Variants in FRMPD1 observed in about 807,000 individuals in gnomAD.
FRMPD1 encodes FERM and PDZ domain containing 1.
Under a neutral mutation model 117.8 loss-of-function variants are expected in FRMPD1, and 76 were observed. The ratio of observed to expected loss-of-function variants is 0.65; its 90% CI spans 0.54 to 0.78. FRMPD1 has a LOEUF of 0.78. Ranked by LOEUF, FRMPD1 falls within the 30% of genes least tolerant of loss-of-function variation. The pLI is 0.00. For missense variants in FRMPD1, 1,786 were observed against 1,964.5 expected (o/e 0.91, Z 1.72); for synonymous variants, 783 against 770.4 (o/e 1.02, Z -0.27).
intron 6 of FRMPD1, among the ~76,000 whole-genome samples, chr9:37,722,336 A>G (rs1230047064): frequency 1.3e-4 from 19 of 150,900 alleles, no homozygotes; most frequent in Admixed American, 1.3e-3. Context: ...GATGATTGTG[A>G]GTCTTGCTTA....
chr9:37,684,304 A>C (rs956069568), intron 1 of FRMPD1, among the ~76,000 whole-genome samples: 2 of 152,246 alleles, frequency 1.3e-5, no homozygotes, highest in Non-Finnish European at 2.9e-5. Context: ...TAACTTCTTC[A>C]TGCCTCAGTT....
the FRMPD1 span, among the ~76,000 whole-genome samples, chr9:37,620,228 G>A: frequency 6.6e-6 from 1 of 152,164 alleles, no homozygotes; most frequent in African/African-American, 2.4e-5. Context: ...TGGAACACTC[G>A]TGTTTATCTG....
At position 37,711,263 on chromosome 9, in the gene FRMPD1, A is replaced by G. The variant is rs113886742; in HGVS notation, c.363-87A>G. 786 of 889,408 alleles carry G rather than the reference A, an allele frequency of 8.8e-4. 4 individuals carry two copies. The highest frequency in any genetic ancestry group is 4.0e-3 in the South Asian group (299 of 74,352). 55.1% of individuals were successfully genotyped at this position (889,408 alleles called of 1,614,324 possible). A position where few individuals can be genotyped will look rare whatever the true frequency, so the allele number is the denominator to read the frequency against. ...CATTCTGCCAGTCTTTTTGACCCTA[A>G]CACACATGCTCACACATGTATGCAT... On this transcript the variant is annotated intron_variant, in intron 4 of 15. Transcript: ENST00000377765.
chr9:37,724,500 G>A (rs1268700220), intron 7 of FRMPD1, among the ~76,000 whole-genome samples, 180 bp downstream of exon 7: 1 of 152,086 alleles, frequency 6.6e-6, no homozygotes, highest in Non-Finnish European at 1.5e-5. Context: ...CAGAAAGATG[G>A]TCTTTTTACC....
rs761312971 is a variant in FRMPD1 at position 37,746,325 on chromosome 9, G to C, written c.4293G>C (p.Glu1431Asp). ...TCCAACTCATGGAGAGCTTGCTGGA[G>C]CTACAAGACATTTTAGAAACTTCCT... ...GFIQLMESLL[E>D]LQDILETSWG... Residue 1431 changes from glutamate to aspartate, a missense_variant, in exon 16 of 16, where the codon GAG becomes GAC. Physicochemically the swap from Glu to Asp is conservative, Grantham distance 45. Transcript: ENST00000377765. 3.7e-6 allele frequency: 6 copies of C among 1,612,602 alleles called. No individual in the cohort carries two copies. Among genetic ancestry groups the C allele is most frequent in the Non-Finnish European group, 5.1e-6 (6 of 1,179,794 alleles).
At chr9:37,650,662 T>G (rs1820639214), upstream of FRMPD1, among the ~76,000 whole-genome samples, 1 of 152,106 alleles carries the variant, frequency 6.6e-6, no homozygotes, top group South Asian at 2.1e-4. Flanking sequence ...GGGAGTCCCT[T>G]TCCTCTCCCA....
At chr9:37,727,400 C>T (rs1823660857) in intron 7 of FRMPD1, among the ~76,000 whole-genome samples, 1 of 152,086 alleles carries the variant, frequency 6.6e-6, no homozygotes, top group South Asian at 2.1e-4. Flanking sequence ...TCCCATAAAA[C>T]CTTAATTACA....
chr9:37,733,369 G>A, intron 10 of FRMPD1, 104 bp from the exon 11 acceptor site: 2 of 1,098,264 alleles, frequency 1.8e-6, no homozygotes, highest in Non-Finnish European at 2.7e-6. Context: ...CGTAATTGCT[G>A]TATTATGGGA....
intron 1 of FRMPD1, among the ~76,000 whole-genome samples, chr9:37,688,766 C>T (rs956499644): frequency 6.6e-6 from 1 of 151,850 alleles, no homozygotes; most frequent in Non-Finnish European, 1.5e-5. Flanking sequence ...TTTATGAAAT[C>T]ATAAGTGGGA....
chr9:37,610,914 T>C, the FRMPD1 span, among the ~76,000 whole-genome samples: 2 of 152,206 alleles, frequency 1.3e-5, no homozygotes, highest in East Asian at 3.9e-4. Flanking sequence ...CATTCTTTTT[T>C]AAACAAAGAT....
chr9:37,669,049 CTT>C (rs1821259447), intron 1 of FRMPD1, among the ~76,000 whole-genome samples: 1 of 152,086 alleles, frequency 6.6e-6, no homozygotes, highest in South Asian at 2.1e-4. Flanking sequence ...AATGAGCAAT[CTT>C]TGGTTACACA....
the FRMPD1 span, among the ~76,000 whole-genome samples, chr9:37,615,355 C>A: frequency 3.3e-5 from 5 of 152,234 alleles, no homozygotes; most frequent in South Asian, 4.1e-4. Flanking sequence ...AGGTGATCTA[C>A]CCACCTCGGC....
chr9:37,736,224 A>G (rs1356175541), intron 13 of FRMPD1, among the ~76,000 whole-genome samples: 1 of 151,668 alleles, frequency 6.6e-6, no homozygotes, highest in African/African-American at 2.4e-5. Context: ...GATGGTCTCG[A>G]TCTCCTGACC....
intron 5 of FRMPD1, among the ~76,000 whole-genome samples, chr9:37,715,010 T>C (rs1371956061): frequency 6.6e-6 from 1 of 152,114 alleles, no homozygotes; most frequent in Non-Finnish European, 1.5e-5. Context: ...AGGAGCCTCA[T>C]TGTTGTCGTG....
In FRMPD1 at chr9:37,746,787, G is replaced by C; in HGVS notation, c.*18G>C. ...CCCTGTAAACAGGTCAACGGCCCAA[G>C]GGCCTCCTGCCCTGTCCTGCCTTGG... On this transcript the variant is annotated 3_prime_UTR_variant, in exon 16 of 16. Coordinates refer to ENST00000377765, the MANE Select transcript of FRMPD1 (RefSeq NM_014907.3). The C allele has an allele frequency of 6.4e-7, 1 of 1,572,552 alleles. No homozygotes were observed. The highest frequency in any genetic ancestry group is 8.7e-7 in the Non-Finnish European group (1 of 1,143,022).
chr9:37,603,466 G>C, the FRMPD1 span, among the ~76,000 whole-genome samples: 9 of 152,328 alleles, frequency 5.9e-5, no homozygotes, highest in Middle Eastern at 6.8e-3. Flanking sequence ...CATCCTGGAA[G>C]TAGAGACTTC....
At chr9:37,673,842 C>T (rs2148140) in intron 1 of FRMPD1, among the ~76,000 whole-genome samples, 6,316 of 152,348 alleles carry the variant, frequency 0.041, 228 homozygotes, top group South Asian at 0.12. Flanking sequence ...GCAGCTGGGA[C>T]ACAGGGCACC....
the FRMPD1 span, among the ~76,000 whole-genome samples, chr9:37,620,947 C>A: frequency 6.6e-6 from 1 of 152,112 alleles, no homozygotes; most frequent in African/African-American, 2.4e-5. Flanking sequence ...ATGTGACATC[C>A]AATATTTTCA....
chr9:37,645,047 C>A, the FRMPD1 span, among the ~76,000 whole-genome samples: 138 of 151,116 alleles, frequency 9.1e-4, 1 homozygote, highest in African/African-American at 3.3e-3. Context: ...CTGGCCACAA[C>A]CTCAAGACAT....
Sources: gnomAD v4.1 joint callset for allele counts (sites outside exome capture counted in the v4.1 genomes callset) on GRCh38, gnomAD v4.1.1 for gene constraint, MANE v1.5 for transcripts, NCBI Gene and HGNC (gene_info 2026-07-23, HGNC 2026-07-21) for gene names.